GJC2: variants seen among roughly 807,000 people sequenced by gnomAD.
GJC2 encodes gap junction gamma-2 protein.
For missense variants in GJC2, 647 were observed against 648.9 expected, an observed-to-expected ratio of 1.00 and a Z score of 0.03; for synonymous variants, 336 against 307.5, an observed-to-expected ratio of 1.09 and a Z score of -0.97.
In GJC2 at chr1:228,159,209, G is replaced by A. The variant is rs1211072304; in HGVS notation, c.*131G>A. 2 of 1,084,340 alleles carry A rather than the reference G, an allele frequency of 1.8e-6. No individual in the cohort carries two copies. Among genetic ancestry groups the A allele is most frequent in the East Asian group, 2.6e-5 (1 of 38,200 alleles). The allele number at this position is 1,084,340 out of a possible 1,614,324, so 67.2% of individuals were successfully genotyped here. A position where few individuals can be genotyped will look rare whatever the true frequency, so the allele number is the denominator to read the frequency against. On this transcript the variant is annotated 3_prime_UTR_variant, in exon 2 of 2. Coordinates refer to ENST00000366714, the MANE Select transcript of GJC2 (RefSeq NM_020435.4). The surrounding 1 kb of genome is among the most constrained non-coding windows in gnomAD (Gnocchi z 4.0). ...CAGACTCTGCCCAGAGGGGCAGCCA[G>A]GCTGCTCAGGGAAGGGGCTGAAAGC...
chr1:228,156,362 C>T (rs912532381), intron 1 of GJC2, among the ~76,000 whole-genome samples: 2 of 152,176 alleles, frequency 1.3e-5, no homozygotes, highest in Non-Finnish European at 2.9e-5. Flanking sequence ...TGAGCATGCA[C>T]GTGTACATGT....
chr1:228,157,733 C>A lies in GJC2; in HGVS notation c.-19-7C>A, dbSNP rs934652737. 3 of 705,326 alleles carry A rather than the reference C, an allele frequency of 4.3e-6. No homozygotes were observed. Among genetic ancestry groups the A allele is most frequent in the African/African-American group, 3.5e-5 (2 of 56,724 alleles). 43.7% of individuals were successfully genotyped at this position (705,326 alleles called of 1,614,324 possible). ...GGCCCCTGGCTGACCCCTACCCCGC[C>A]CCACAGGACCCGCCCGCCCGCCCCT... On this transcript the variant is annotated splice_region_variant and splice_polypyrimidine_tract_variant and intron_variant, in intron 1 of 1. Coordinates refer to ENST00000366714, the MANE Select transcript of GJC2 (RefSeq NM_020435.4).
Position 228,157,839 on chromosome 1 carries a change from G to A in GJC2, c.81G>A (p.Trp27Ter), listed in dbSNP as rs1180319605. Reference sequence around the variant, plus strand: ...ACTCCACCTTCGTGGGCAAGGTGTGGCTCACGGTGCTGGTGGTCTTCCGCA... The same window carrying A: ...ACTCCACCTTCGTGGGCAAGGTGTGACTCACGGTGCTGGTGGTCTTCCGCA... ...HNHSTFVGKV[W>*]LTVLVVFRIV... The change falls in exon 2 of 2, where the codon TGG (tryptophan) becomes TGA (stop). Residue 27 changes from tryptophan to a stop codon, truncating the protein, a stop_gained. Coordinates refer to ENST00000366714, the MANE Select transcript of GJC2 (RefSeq NM_020435.4). LOFTEE classifies it low-confidence loss of function (END_TRUNC). The A allele has an allele frequency of 1.2e-6, 2 of 1,606,878 alleles. No individual in the cohort carries two copies. Among genetic ancestry groups the A allele is most frequent in the Non-Finnish European group, 1.7e-6 (2 of 1,177,314 alleles).
rs2034711556 is a variant in GJC2, at chr1:228,158,130, C to G, written c.372C>G (p.Pro124=). ...LRRRPGPRRA[P]RAHLPPPHAG... Reference sequence around the variant, plus strand: ...GCCGCCCGGGGCCACGCCGCGCGCCCCGAGCGCACCTGCCGCCCCCGCACG... The same window carrying G: ...GCCGCCCGGGGCCACGCCGCGCGCCGCGAGCGCACCTGCCGCCCCCGCACG... Residue 124 remains proline, a synonymous_variant, in exon 2 of 2, where the codon CCC becomes CCG. Coordinates refer to ENST00000366714, the MANE Select transcript of GJC2 (RefSeq NM_020435.4). The surrounding 1 kb of genome is among the most constrained non-coding windows in gnomAD (Gnocchi z 8.3). 1.8e-5 allele frequency: 23 copies of G among 1,252,974 alleles called. No individual in the cohort carries two copies. The highest frequency in any genetic ancestry group is 2.3e-5 in the Non-Finnish European group (23 of 997,826). The allele number at this position is 1,252,974 out of a possible 1,614,324, so 77.6% of individuals were successfully genotyped here.
rs374172867 is a variant in GJC2 at position 228,158,575 on chromosome 1, G to C, written c.817G>C (p.Val273Leu). Residue 273 changes from valine (V) to leucine (L), a missense_variant, in exon 2 of 2, where the codon GTG becomes CTG. Transcript: ENST00000366714. This position sits in a 1 kb window ranked among gnomAD's most constrained non-coding sequence, Gnocchi z 8.3. ...GACGGTCTTCCTGCTGGTTATGTAC[G>C]TGGTCAGCTGCCTGTGCCTGCTGCT... The part of the protein sequence containing the change: ...EKTVFLLVMY[V>L]VSCLCLLLNL... The C allele has an allele frequency of 6.2e-7, 1 of 1,612,428 alleles. No homozygotes were observed.
At position 228,151,423 on chromosome 1, in the gene GJC2, T is replaced by A. The variant is rs562990917; in HGVS notation, c.-20+1416T>A. Among the ~76,000 whole-genome samples, 207 of 152,168 alleles carry A rather than the reference T, an allele frequency of 1.4e-3. 2 individuals are homozygous for A. The highest frequency in any genetic ancestry group is 0.01 in the Middle Eastern group (3 of 294). On this transcript the variant is annotated intron_variant, in intron 1 of 1. Coordinates refer to ENST00000366714, the MANE Select transcript of GJC2 (RefSeq NM_020435.4). This position sits in a 1 kb window ranked among gnomAD's most constrained non-coding sequence, Gnocchi z 5.4. ...ACCATGTGGGCAGGCACTTGGGGTC[T>A]TGGTGGGGGCACCTTGCTTTCCTGG...
chr1:228,158,301 G>T lies in GJC2; in HGVS notation c.543G>T (p.Ala181=), dbSNP rs765400775. Residue 181 remains alanine (A), a synonymous_variant, in exon 2 of 2, where the codon GCG becomes GCT. Coordinates refer to ENST00000366714, the MANE Select transcript of GJC2 (RefSeq NM_020435.4). The surrounding 1 kb of genome is among the most constrained non-coding windows in gnomAD (Gnocchi z 8.3). ...EAGAEEACTK[A]VGADGKAAGT... ...GCGCGGAGGAGGCGTGCACTAAGGC[G>T]GTCGGCGCTGACGGCAAGGCGGCAG... is the stretch of plus-strand genomic sequence containing the variant. 112 of 1,542,262 alleles carry T rather than the reference G, an allele frequency of 7.3e-5. 1 individual carries two copies. The East Asian group carries it at 2.3e-3, about 32-fold the overall frequency.
rs200126998 is a variant in GJC2 at position 228,159,115 on chromosome 1, G to A, written c.*37G>A. On this transcript the variant is annotated 3_prime_UTR_variant, in exon 2 of 2. Coordinates refer to ENST00000366714, the MANE Select transcript of GJC2 (RefSeq NM_020435.4). This position sits in a 1 kb window ranked among gnomAD's most constrained non-coding sequence, Gnocchi z 4.0. Reference sequence around the variant, plus strand: ...TGCGAGCTGGGCCAGGGAGGAGGAGGGTTGGGGGGCTCCGGTGGAAACCTG... The same window carrying A: ...TGCGAGCTGGGCCAGGGAGGAGGAGAGTTGGGGGGCTCCGGTGGAAACCTG... 6.2e-7 allele frequency: 1 copy of A among 1,605,290 alleles called. No homozygotes were observed. Among genetic ancestry groups the A allele is most frequent in the Non-Finnish European group, 8.5e-7 (1 of 1,175,878 alleles).
rs1469042630 is a variant in GJC2 at position 228,158,846 on chromosome 1, C to T, written c.1088C>T (p.Ala363Val). Residue 363 changes from alanine (A) to valine (V), a missense_variant, in exon 2 of 2, where the codon GCG becomes GTG. Ala to Val is a moderately conservative substitution (Grantham distance 64). Coordinates refer to ENST00000366714, the MANE Select transcript of GJC2 (RefSeq NM_020435.4). The surrounding 1 kb of genome is among the most constrained non-coding windows in gnomAD (Gnocchi z 8.3). Reference sequence around the variant, plus strand: ...CTGCAGGCGCTGCGCGACGGGGCAGCGGCTGGGGACCGCGACCGGGACAGT... The same window carrying T: ...CTGCAGGCGCTGCGCGACGGGGCAGTGGCTGGGGACCGCGACCGGGACAGT... ...LALQALRDGAAAGDRDRDSSP... is the reference protein window; with the variant it reads ...LALQALRDGAVAGDRDRDSSP... 1.4e-6 allele frequency: 2 copies of T among 1,471,968 alleles called. No homozygotes were observed. The highest frequency in any genetic ancestry group is 4.6e-5 in the Admixed American group (2 of 43,218). 91.2% of individuals were successfully genotyped at this position (1,471,968 alleles called of 1,614,324 possible). A position where few individuals can be genotyped will look rare whatever the true frequency, so the allele number is the denominator to read the frequency against.
At chr1:228,155,409 C>G (rs920878714) in intron 1 of GJC2, among the ~76,000 whole-genome samples, 2 of 152,186 alleles carry the variant, frequency 1.3e-5, no homozygotes, top group Admixed American at 1.3e-4. Context: ...TAATGCTCCC[C>G]AGGCTTGCAG....
chr1:228,157,975 C>A lies in GJC2; in HGVS notation c.217C>A (p.Pro73Thr), dbSNP rs1330596542. 5 of 1,612,342 alleles carry A rather than the reference C, an allele frequency of 3.1e-6. No homozygotes were observed. The African/African-American group carries it at 4.0e-5, about 13-fold the overall frequency. Residue 73 changes from proline to threonine, a missense_variant, in exon 2 of 2, where the codon CCC (proline) becomes ACC (threonine). Pro to Thr is a conservative substitution (Grantham distance 38). Coordinates refer to ENST00000366714, the MANE Select transcript of GJC2 (RefSeq NM_020435.4). ...CAACGTCTGCTATGACGCCTTCGCG[C>A]CCCTGTCGCACGTGCGCTTCTGGGT... Reference protein sequence around the residue: ...CDNVCYDAFAPLSHVRFWVFQ... With the variant: ...CDNVCYDAFATLSHVRFWVFQ...
Position 228,150,734 on chromosome 1 carries a change from C to T in GJC2, c.-20+727C>T, listed in dbSNP as rs1238852694. On this transcript the variant is annotated intron_variant, in intron 1 of 1. Transcript: ENST00000366714. This position sits in a 1 kb window ranked among gnomAD's most constrained non-coding sequence, Gnocchi z 4.6. ...GCTGCTGCGCAGGGAGGCCACAGCC[C>T]AGGCGCGGGGGCCCCCATCCCAGAG... Among the ~76,000 whole-genome samples the T allele has an allele frequency of 6.6e-6, 1 of 152,104 alleles. No homozygotes were observed. Among genetic ancestry groups the T allele is most frequent in the East Asian group, 1.9e-4 (1 of 5,170 alleles).
At position 228,157,741 on chromosome 1, in the gene GJC2, A is replaced by AGCCCCCCCCCCCC; in HGVS notation, c.-18_-17insGCCCCCCCCCCCC. 2 of 354,468 alleles carry AGCCCCCCCCCCCC rather than the reference A, an allele frequency of 5.6e-6. No homozygotes were observed. Among genetic ancestry groups the AGCCCCCCCCCCCC allele is most frequent in the Middle Eastern group, 9.5e-4 (1 of 1,056 alleles). The allele number at this position is 354,468 out of a possible 1,614,324, so 22.0% of individuals were successfully genotyped here. A position where few individuals can be genotyped will look rare whatever the true frequency, so the allele number is the denominator to read the frequency against. On this transcript the variant is annotated splice_region_variant and 5_prime_UTR_variant, in exon 2 of 2. Transcript: ENST00000366714. ...GCTGACCCCTACCCCGCCCCACAGG[A>AGCCCCCCCCCCCC]CCCGCCCGCCCGCCCCTATGACCAA...
intron 1 of GJC2, among the ~76,000 whole-genome samples, chr1:228,156,160 G>A (rs547503021): frequency 2.6e-5 from 4 of 152,366 alleles, no homozygotes; most frequent in African/African-American, 9.6e-5. Flanking sequence ...GTGTGTGTGT[G>A]CACGGGTCTG....
chr1:228,158,094 C>T lies in GJC2; in HGVS notation c.336C>T (p.Arg112=), dbSNP rs1236275566. Residue 112 remains arginine, a synonymous_variant, in exon 2 of 2, where the codon CGC becomes CGT. Transcript: ENST00000366714. This position sits in a 1 kb window ranked among gnomAD's most constrained non-coding sequence, Gnocchi z 8.3. ...LARASEQERR[R]ALRRRPGPRR... ...GTGCGTCTGAGCAGGAGCGGCGCCG[C>T]GCCCTCCGCCGCCGCCCGGGGCCAC... 1 of 1,477,902 alleles carries T rather than the reference C, an allele frequency of 6.8e-7. No homozygotes were observed. Among genetic ancestry groups the T allele is most frequent in the African/African-American group, 1.4e-5 (1 of 69,840 alleles). The allele number at this position is 1,477,902 out of a possible 1,614,324, so 91.5% of individuals were successfully genotyped here.
In GJC2 at chr1:228,150,781, A is replaced by C. The variant is rs373832746; in HGVS notation, c.-20+774A>C. Among the ~76,000 whole-genome samples the C allele has an allele frequency of 2.0e-5, 3 of 152,186 alleles. No individual in the cohort carries two copies. The highest frequency in any genetic ancestry group is 7.2e-5 in the African/African-American group (3 of 41,534). Reference sequence around the variant, plus strand: ...AGAGCTGGATGGCAGTGAGCCCAGGATTCCTGGCTGCTGGGCGTTCAGGAG... The same window carrying C: ...AGAGCTGGATGGCAGTGAGCCCAGGCTTCCTGGCTGCTGGGCGTTCAGGAG... On this transcript the variant is annotated intron_variant, in intron 1 of 1. Transcript: ENST00000366714. This position sits in a 1 kb window ranked among gnomAD's most constrained non-coding sequence, Gnocchi z 4.6.
At position 228,152,129 on chromosome 1, in the gene GJC2, C is replaced by T. The variant is rs73095408; in HGVS notation, c.-20+2122C>T. 2.6e-3 allele frequency among the ~76,000 whole-genome samples: 398 copies of T among 152,184 alleles called. 2 individuals are homozygous for T. Among genetic ancestry groups the T allele is most frequent in the African/African-American group, 9.2e-3 (381 of 41,512 alleles). On this transcript the variant is annotated intron_variant, in intron 1 of 1. Transcript: ENST00000366714. The surrounding 1 kb of genome is among the most constrained non-coding windows in gnomAD (Gnocchi z 7.3). ...CCAGGGAAGTGGGACTGGGAATCTG[C>T]TTTGGACTGTGAGTGGACAAGCGAC...
chr1:228,157,054 G>A (rs1210964182), intron 1 of GJC2, among the ~76,000 whole-genome samples: 2 of 152,128 alleles, frequency 1.3e-5, no homozygotes, highest in Non-Finnish European at 2.9e-5. Flanking sequence ...CTGGGACCCT[G>A]GGCACCTGAG....
In GJC2 at chr1:228,150,384, C is replaced by G. The variant is rs1174151014; in HGVS notation, c.-20+377C>G. Among the ~76,000 whole-genome samples, 2 of 152,158 alleles carry G rather than the reference C, an allele frequency of 1.3e-5. No individual in the cohort carries two copies. The highest frequency in any genetic ancestry group is 6.5e-5 in the Admixed American group (1 of 15,290). ...TGGCCTCTGAAACACCAGCCAGCTG[C>G]ATTGTGTCCAGGCCCAGTCCCCCAC... is the stretch of plus-strand genomic sequence containing the variant. On this transcript the variant is annotated intron_variant, in intron 1 of 1. Transcript: ENST00000366714. This position sits in a 1 kb window ranked among gnomAD's most constrained non-coding sequence, Gnocchi z 4.6.
Sources: allele counts gnomAD v4.1 joint callset (sites outside exome capture counted in the v4.1 genomes callset), GRCh38; gene constraint gnomAD v4.1.1; non-coding constraint Gnocchi (gnomAD v3.1); transcripts MANE v1.5; gene names NCBI Gene and HGNC (gene_info 2026-07-23, HGNC 2026-07-21).